FAM131C: variants seen among roughly 807,000 people sequenced by gnomAD.
FAM131C encodes the protein family with sequence similarity 131 member C, also known as protein FAM131C.
In FAM131C, 14 loss-of-function variants were observed where a neutral mutation model predicts 29.8. That is an observed-to-expected ratio of 0.47 (90% CI 0.31 to 0.73). The LOEUF (loss-of-function observed/expected upper bound fraction) is 0.73. Ranked by LOEUF, FAM131C falls within the 30% of genes least tolerant of loss-of-function variation. The probability of loss-of-function intolerance (pLI) is 0.05; values close to 1 mark genes in which losing one functional copy is unlikely to be tolerated. For synonymous variants in FAM131C, 86 were observed against 157.8 expected, an observed-to-expected ratio of 0.54 and a Z score of 3.41; for missense variants, 252 against 383.8, an observed-to-expected ratio of 0.66 and a Z score of 2.87.
At chr1:16,069,837 C>T (rs1035248024) in intron 1 of FAM131C, among the ~76,000 whole-genome samples, 3 of 152,182 alleles carry the variant, frequency 2.0e-5, no homozygotes, top group African/African-American at 7.2e-5. Context: ...TCACAGCTCA[C>T]TGCAGCTTCG....
intron 1 of FAM131C, 107 bp downstream of exon 1, chr1:16,073,314 G>T (rs2023777412): frequency 1.8e-6 from 1 of 554,482 alleles, no homozygotes; most frequent in Non-Finnish European, 2.6e-6. Context: ...GTGCGGCGGG[G>T]CCGTGAAGGG....
rs2023517292 is a variant in FAM131C at position 16,058,356 on chromosome 1, C to G, written c.*81G>C. On this transcript the variant is annotated 3_prime_UTR_variant, in exon 7 of 7. Coordinates refer to ENST00000375662, the MANE Select transcript of FAM131C (RefSeq NM_182623.3). ...GGGTCAAGGGATGCCCTGCCCTGGA[C>G]CCCGGGGTCCAGATATGCCTGGGCT... 2 of 1,369,804 alleles carry G rather than the reference C, an allele frequency of 1.5e-6. No homozygotes were observed. Among genetic ancestry groups the G allele is most frequent in the Middle Eastern group, 2.7e-4 (1 of 3,704 alleles). The allele number at this position is 1,369,804 out of a possible 1,614,324, so 84.9% of individuals were successfully genotyped here. A position where few individuals can be genotyped will look rare whatever the true frequency, so the allele number is the denominator to read the frequency against.
In FAM131C at chr1:16,061,915, A is replaced by G. The variant is rs1286978769; in HGVS notation, c.268+184T>C. ...CAGCAGTTTAACCTGTGGAAGCAGA[A>G]CCCTGAGCCACTGGTCCCCCCGTGA... On this transcript the variant is annotated intron_variant, in intron 4 of 6. Transcript: ENST00000375662. Among the ~76,000 whole-genome samples the G allele has an allele frequency of 4.0e-5, 6 of 151,476 alleles. No individual in the cohort carries two copies. The East Asian group carries it at 9.8e-4, about 25-fold the overall frequency.
chr1:16,063,234 G>C (rs1468931461), intron 2 of FAM131C, among the ~76,000 whole-genome samples: 3 of 151,410 alleles, frequency 2.0e-5, no homozygotes, highest in African/African-American at 7.3e-5. Flanking sequence ...CTGCTCAGGA[G>C]TAGCGGGCTG....
At chr1:16,060,856 G>A (rs1226804382) in intron 4 of FAM131C, among the ~76,000 whole-genome samples, 1 of 152,178 alleles carries the variant, frequency 6.6e-6, no homozygotes, top group Non-Finnish European at 1.5e-5. Flanking sequence ...AGAGTGACCA[G>A]TTAGAACAGC....
chr1:16,065,562 C>T (rs1054443947), intron 1 of FAM131C, among the ~76,000 whole-genome samples: 17 of 152,252 alleles, frequency 1.1e-4, no homozygotes, highest in Admixed American at 6.5e-5. Context: ...GAGGCACCAC[C>T]TGTGGCTCTT....
At position 16,063,788 on chromosome 1, in the gene FAM131C, G is replaced by A. The variant is rs138429403; in HGVS notation, c.23-152C>T. 2.7e-3 allele frequency: 1,566 copies of A among 573,028 alleles called. 16 individuals are homozygous for A. Among genetic ancestry groups the A allele is most frequent in the African/African-American group, 0.024 (1,233 of 51,590 alleles). 35.5% of individuals were successfully genotyped at this position (573,028 alleles called of 1,614,324 possible). A position where few individuals can be genotyped will look rare whatever the true frequency, so the allele number is the denominator to read the frequency against. ...AGACTCAAGTCCACAGCAGGGAAGGGGTCCAGCCAGATGCCCTCCTGCCTG... is the reference window on the plus strand; with the variant it reads ...AGACTCAAGTCCACAGCAGGGAAGGAGTCCAGCCAGATGCCCTCCTGCCTG... On this transcript the variant is annotated intron_variant, in intron 1 of 6. Transcript: ENST00000375662.
chr1:16,062,561 G>C, intron 2 of FAM131C, 27 bp from the exon 3 acceptor site: 20 of 1,563,022 alleles, frequency 1.3e-5, no homozygotes, highest in Non-Finnish European at 1.7e-5. Flanking sequence ...GAGAGGATCA[G>C]GCAGGGCCTG....
rs1038926085 is a variant in FAM131C, at chr1:16,061,968, A to C, written c.268+131T>G. On this transcript the variant is annotated intron_variant, in intron 4 of 6. Coordinates refer to ENST00000375662, the MANE Select transcript of FAM131C (RefSeq NM_182623.3). Reference sequence around the variant, plus strand: ...CGCATAACCCAGCATGGACTCTGGCATTTAGAACATGGAGAATCCAATAGG... The same window carrying C: ...CGCATAACCCAGCATGGACTCTGGCCTTTAGAACATGGAGAATCCAATAGG... The C allele has an allele frequency of 1.2e-5, 10 of 855,758 alleles. No homozygotes were observed. The East Asian group carries it at 2.9e-4, about 25-fold the overall frequency. The allele number at this position is 855,758 out of a possible 1,614,324, so 53.0% of individuals were successfully genotyped here.
At chr1:16,063,730 C>T (rs760121174) in intron 1 of FAM131C, 94 bp from the exon 2 acceptor site, 37 of 769,756 alleles carry the variant, frequency 4.8e-5, no homozygotes, top group Non-Finnish European at 7.4e-5. Flanking sequence ...TGAGTATGGC[C>T]TTGTTTTTAT....
chr1:16,071,180 G>T (rs1335756064), intron 1 of FAM131C, among the ~76,000 whole-genome samples: 2 of 152,234 alleles, frequency 1.3e-5, no homozygotes, highest in African/African-American at 4.8e-5. Flanking sequence ...GGCCAGGTGG[G>T]GGGCTCAGGA....
chr1:16,071,730 A>C (rs531063720), intron 1 of FAM131C, among the ~76,000 whole-genome samples: 77 of 152,272 alleles, frequency 5.1e-4, no homozygotes, highest in African/African-American at 1.7e-3. Flanking sequence ...TGTGGCCCCA[A>C]AGAGCCCTGG....
intron 1 of FAM131C, among the ~76,000 whole-genome samples, chr1:16,070,558 G>A (rs1000091630): frequency 3.9e-5 from 6 of 152,184 alleles, no homozygotes; most frequent in Admixed American, 6.5e-5. Flanking sequence ...TTGGGAGGCC[G>A]AGGTGGGAGG....
chr1:16,064,704 G>A (rs922316009), intron 1 of FAM131C, among the ~76,000 whole-genome samples: 1 of 152,146 alleles, frequency 6.6e-6, no homozygotes, highest in South Asian at 2.1e-4. Flanking sequence ...CGACTTGGCC[G>A]TTCCTCTGCT....
intron 3 of FAM131C, 101 bp downstream of exon 3, chr1:16,062,398 C>CCCCCCCCG: frequency 7.2e-7 from 1 of 1,390,296 alleles, no homozygotes; most frequent in Non-Finnish European, 9.6e-7. Context: ...CCCCCCCGCC[C>CCCCCCCCG]CAGGGCCAGC....
chr1:16,068,197 G>A (rs1007502738), intron 1 of FAM131C, among the ~76,000 whole-genome samples: 3 of 152,250 alleles, frequency 2.0e-5, no homozygotes, highest in Admixed American at 6.5e-5. Flanking sequence ...TGAAGAGAAC[G>A]TAAGCGGCCA....
chr1:16,065,491 C>T (rs796592452), intron 1 of FAM131C, among the ~76,000 whole-genome samples: 13 of 152,320 alleles, frequency 8.5e-5, no homozygotes, highest in African/African-American at 3.1e-4. Context: ...GTGGGTGCTG[C>T]CCCCAATTCC....
intron 1 of FAM131C, among the ~76,000 whole-genome samples, chr1:16,071,375 T>C (rs72887136): frequency 0.12 from 17,773 of 152,256 alleles, 2,444 homozygotes; most frequent in African/African-American, 0.32. Flanking sequence ...TGCCTCAGTT[T>C]TCCCACTTGT....
intron 6 of FAM131C, 65 bp downstream of exon 6, chr1:16,059,429 T>C (rs1003460192): frequency 1.1e-5 from 17 of 1,573,184 alleles, no homozygotes; most frequent in East Asian, 4.5e-5. Flanking sequence ...CCTTTGGTGA[T>C]GGGCAGCCAT....
Sources: gnomAD v4.1 joint callset for allele counts (sites outside exome capture counted in the v4.1 genomes callset) on GRCh38, gnomAD v4.1.1 for gene constraint, MANE v1.5 for transcripts, NCBI Gene and HGNC (gene_info 2026-07-23, HGNC 2026-07-21) for gene names.